Variants in TBC1D12 observed in about 807,000 individuals in gnomAD.
The protein encoded by TBC1D12 is TBC1 domain family, member 12.
Under a neutral mutation model 86.7 loss-of-function variants are expected in TBC1D12, and 56 were observed. The observed-to-expected ratio is 0.65, with a 90% confidence interval of 0.52 to 0.81. TBC1D12 has a LOEUF of 0.81. Among genes scored for constraint, TBC1D12 ranks in the 30% least tolerant of loss-of-function variants. The pLI is 0.00. For missense variants in TBC1D12, 1,023 were observed against 1,038.8 expected (o/e 0.98, Z 0.21); for synonymous variants, 421 against 411.7 (o/e 1.02, Z -0.27).
intron 9 of TBC1D12, among the ~76,000 whole-genome samples, chr10:94,517,609 ATAACT>A (rs1842033338): frequency 6.6e-6 from 1 of 152,178 alleles, no homozygotes. Context: ...TGACCACCAT[ATAACT>A]TAACTGGTGG....
chr10:94,493,553 ATTTCTTTTTTCG>A, intron 4 of TBC1D12, 106 bp downstream of exon 4: 1 of 903,862 alleles, frequency 1.1e-6, no homozygotes, highest in Non-Finnish European at 1.7e-6. Context: ...TCTTTTTTTT[ATTTCTTTTTTCG>A]TTTCTTTTTT....
At chr10:94,450,773 C>T (rs964156327) in intron 2 of TBC1D12, among the ~76,000 whole-genome samples, 2 of 151,984 alleles carry the variant, frequency 1.3e-5, no homozygotes, top group African/African-American at 4.8e-5. Context: ...GGTATCCCAA[C>T]AACAGATGAA....
intron 1 of TBC1D12, among the ~76,000 whole-genome samples, chr10:94,405,812 ATTT>A (rs34165101): frequency 1.4e-5 from 2 of 144,052 alleles, no homozygotes; most frequent in African/African-American, 2.6e-5. Context: ...ATTTCTGAAC[ATTT>A]TTTTTTTTTT....
intron 1 of TBC1D12, among the ~76,000 whole-genome samples, chr10:94,410,216 A>T (rs956868774): frequency 1.3e-5 from 2 of 152,204 alleles, no homozygotes; most frequent in African/African-American, 4.8e-5. Flanking sequence ...ATTGGAAATG[A>T]GTTATGCATG....
chr10:94,425,991 A>G (rs1347673674), intron 1 of TBC1D12, among the ~76,000 whole-genome samples: 1 of 152,194 alleles, frequency 6.6e-6, no homozygotes, highest in Non-Finnish European at 1.5e-5. Context: ...TCAGAGAAAT[A>G]TGATTGATTT....
chr10:94,528,032 C>G (rs1158193156), intron 11 of TBC1D12, among the ~76,000 whole-genome samples: 1 of 148,106 alleles, frequency 6.8e-6, no homozygotes, highest in Admixed American at 6.7e-5. Context: ...TTTTTTTCTT[C>G]TTTTCTCAAG....
At chr10:94,439,519 G>A (rs986788942) in intron 1 of TBC1D12, among the ~76,000 whole-genome samples, 2 of 152,120 alleles carry the variant, frequency 1.3e-5, no homozygotes, top group African/African-American at 2.4e-5. Context: ...TCCAGGTTGA[G>A]GCTGCAGGTT....
chr10:94,488,535 C>T (rs901704202), intron 3 of TBC1D12, among the ~76,000 whole-genome samples: 3 of 150,388 alleles, frequency 2.0e-5, no homozygotes, highest in Non-Finnish European at 4.4e-5. Flanking sequence ...GGCTTACAGG[C>T]ACATGCCACC....
At chr10:94,471,296 G>T (rs74889892) in intron 2 of TBC1D12, among the ~76,000 whole-genome samples, 13 of 143,540 alleles carry the variant, frequency 9.1e-5, no homozygotes, top group African/African-American at 1.0e-4. Flanking sequence ...AAAAAAAAAA[G>T]CTCATTCCTC....
intron 1 of TBC1D12, among the ~76,000 whole-genome samples, chr10:94,410,128 GA>G (rs1421571716): frequency 6.6e-6 from 1 of 152,142 alleles, no homozygotes; most frequent in Non-Finnish European, 1.5e-5. Context: ...ATACTCCATG[GA>G]AAGCCAATGA....
At chr10:94,434,735 G>A (rs972828240) in intron 1 of TBC1D12, among the ~76,000 whole-genome samples, 3 of 151,976 alleles carry the variant, frequency 2.0e-5, no homozygotes, top group East Asian at 2.0e-4. Context: ...GTGAGACCTC[G>A]TCTCTACAAA....
chr10:94,465,731 C>T (rs1277629777), intron 2 of TBC1D12, among the ~76,000 whole-genome samples: 1 of 147,802 alleles, frequency 6.8e-6, no homozygotes. Flanking sequence ...TACATACATA[C>T]ATACGTATAC....
intron 2 of TBC1D12, chr10:94,447,687 A>C: frequency 3.0e-6 from 3 of 984,998 alleles, no homozygotes; most frequent in Non-Finnish European, 3.6e-6. Context: ...CGTGTTAAAA[A>C]TTGAATCTGT....
chr10:94,435,569 G>T (rs192283601), intron 1 of TBC1D12, among the ~76,000 whole-genome samples: 5,452 of 152,058 alleles, frequency 0.036, 133 homozygotes, highest in Middle Eastern at 0.15. Flanking sequence ...AGTGGTTAGT[G>T]GAGTTCTTTG....
intron 1 of TBC1D12, among the ~76,000 whole-genome samples, chr10:94,409,051 A>G (rs1484758782): frequency 6.6e-6 from 1 of 152,200 alleles, no homozygotes; most frequent in East Asian, 1.9e-4. Context: ...TGAAGCTACC[A>G]TTATGTTAAA....
rs111464034 is a variant in TBC1D12 at position 94,476,127 on chromosome 10, CT to C, written c.1211+1355del. Among the ~76,000 whole-genome samples the C allele has an allele frequency of 9.9e-3, 1,447 of 146,852 alleles. 13 individuals carry two copies. Among genetic ancestry groups the C allele is most frequent in the African/African-American group, 0.028 (1,139 of 40,308 alleles). On this transcript the variant is annotated intron_variant, in intron 3 of 12. Transcript: ENST00000225235. ...GCTAAAGAATTCTTTCTCTCTCTCTCTTTTTTTTTTTAAATGTAAAACTTCC... is the reference window on the plus strand; with the variant it reads ...GCTAAAGAATTCTTTCTCTCTCTCTCTTTTTTTTTTAAATGTAAAACTTCC...
intron 6 of TBC1D12, among the ~76,000 whole-genome samples, chr10:94,502,329 T>A (rs1006931158): frequency 6.6e-5 from 10 of 150,524 alleles, no homozygotes; most frequent in African/African-American, 2.4e-4. Context: ...CGAAACTCCA[T>A]CTCAAAAATA....
chr10:94,522,485 G>T (rs1466803216), intron 11 of TBC1D12, 32 bp downstream of exon 11: 2 of 906,888 alleles, frequency 2.2e-6, no homozygotes, highest in African/African-American at 1.8e-5. Flanking sequence ...ATATAATAAT[G>T]AAAAGGAAAT....
intron 1 of TBC1D12, among the ~76,000 whole-genome samples, chr10:94,410,036 C>G (rs978129584): frequency 6.6e-6 from 1 of 152,066 alleles, no homozygotes; most frequent in Non-Finnish European, 1.5e-5. Context: ...GGTTGTGTTA[C>G]TTTTAAGTGA....
Sources: gnomAD v4.1 joint callset for allele counts (sites outside exome capture counted in the v4.1 genomes callset) on GRCh38, gnomAD v4.1.1 for gene constraint, MANE v1.5 for transcripts, NCBI Gene and HGNC (gene_info 2026-07-23, HGNC 2026-07-21) for gene names.